Variants in ADAMTS18 observed in about 807,000 individuals in gnomAD.
ADAMTS18 encodes ADAM metallopeptidase with thrombospondin type 1 motif 18.
Under a neutral mutation model 165.9 loss-of-function variants are expected in ADAMTS18, and 157 were observed. The observed-to-expected ratio is 0.95, with a 90% CI of 0.83 to 1.08. The LOEUF (loss-of-function observed/expected upper bound fraction) is 1.08. Among genes scored for constraint, ADAMTS18 ranks in the 50% least tolerant of loss-of-function variants. ADAMTS18 has a pLI of 0.00. For missense variants in ADAMTS18, 2,040 were observed against 1,534.0 expected (o/e 1.33, Z -5.51); for synonymous variants, 782 against 578.2 (o/e 1.35, Z -5.06).
At chr16:77,284,354 C>T (rs1028270153) in intron 22 of ADAMTS18, among the ~76,000 whole-genome samples, 8 of 152,110 alleles carry the variant, frequency 5.3e-5, no homozygotes, top group East Asian at 1.9e-4. Flanking sequence ...TCTCAAATTC[C>T]TGAGCTCAAG....
intron 3 of ADAMTS18, among the ~76,000 whole-genome samples, chr16:77,409,064 A>T (rs1253669481): frequency 1.3e-5 from 2 of 152,164 alleles, no homozygotes; most frequent in African/African-American, 2.4e-5. Flanking sequence ...ACATATATAT[A>T]AAAATAAAGA....
At chr16:77,375,933 G>T (rs274521) in intron 3 of ADAMTS18, among the ~76,000 whole-genome samples, 3 of 133,012 alleles carry the variant, frequency 2.3e-5, no homozygotes, top group African/African-American at 2.9e-5. Flanking sequence ...GACGGAGTTT[G>T]GCTCTTGTTG....
intron 11 of ADAMTS18, among the ~76,000 whole-genome samples, chr16:77,337,657 A>C (rs951660129): frequency 2.6e-5 from 4 of 152,136 alleles, no homozygotes; most frequent in African/African-American, 9.7e-5. Context: ...TTTTTGGAAA[A>C]TGTGTTTTTT....
chr16:77,399,910 C>T (rs1241904163), intron 3 of ADAMTS18, among the ~76,000 whole-genome samples: 2 of 152,144 alleles, frequency 1.3e-5, no homozygotes, highest in African/African-American at 2.4e-5. Context: ...TTTGTCTGTA[C>T]AATCTGGAAT....
intron 7 of ADAMTS18, among the ~76,000 whole-genome samples, chr16:77,360,866 C>A (rs2056702474): frequency 6.6e-6 from 1 of 152,096 alleles, no homozygotes; most frequent in Non-Finnish European, 1.5e-5. Flanking sequence ...GTGGGTGGAT[C>A]ATTTGAGGTC....
chr16:77,403,363 T>G (rs2057355145), intron 3 of ADAMTS18, among the ~76,000 whole-genome samples: 1 of 99,346 alleles, frequency 1.0e-5, no homozygotes. Flanking sequence ...GTATGAAGAG[T>G]AAGCAACTTT....
chr16:77,319,722 C>T (rs1034487502), intron 16 of ADAMTS18, 127 bp downstream of exon 16: 4 of 1,485,280 alleles, frequency 2.7e-6, no homozygotes, highest in Non-Finnish European at 3.7e-6. Context: ...GGATTACAGG[C>T]ATGAGCCACC....
At chr16:77,323,639 C>G (rs1036833556) in intron 13 of ADAMTS18, among the ~76,000 whole-genome samples, 1 of 151,484 alleles carries the variant, frequency 6.6e-6, no homozygotes, top group Non-Finnish European at 1.5e-5. Flanking sequence ...GGGAAAAAAC[C>G]TCACTCCTGT....
chr16:77,431,173 T>C (rs1277634039), intron 3 of ADAMTS18, 122 bp downstream of exon 3: 1 of 1,037,520 alleles, frequency 9.6e-7, no homozygotes, highest in East Asian at 2.5e-5. Flanking sequence ...ATTAGAAGTA[T>C]CAAGGCTGAC....
chr16:77,406,598 A>G (rs564968147), intron 3 of ADAMTS18, among the ~76,000 whole-genome samples: 2 of 152,122 alleles, frequency 1.3e-5, no homozygotes, highest in East Asian at 3.9e-4. Context: ...AAGAATTTAT[A>G]ACATTACCAG....
intron 3 of ADAMTS18, among the ~76,000 whole-genome samples, chr16:77,378,058 T>C (rs781565929): frequency 5.3e-5 from 8 of 152,152 alleles, no homozygotes; most frequent in Non-Finnish European, 1.2e-4. Context: ...CCAGGTGTTA[T>C]AGCACATGCC....
intron 3 of ADAMTS18, among the ~76,000 whole-genome samples, chr16:77,371,872 C>T (rs576623231): frequency 6.6e-6 from 1 of 151,974 alleles, no homozygotes; most frequent in Admixed American, 6.6e-5. Flanking sequence ...ACTATGTACC[C>T]GATAAGAGTT....
chr16:77,382,280 G>C (rs955502779), intron 3 of ADAMTS18, among the ~76,000 whole-genome samples: 1 of 152,040 alleles, frequency 6.6e-6, no homozygotes, highest in Non-Finnish European at 1.5e-5. Flanking sequence ...GCGCGATCTC[G>C]GCTCACTGCA....
intron 3 of ADAMTS18, among the ~76,000 whole-genome samples, chr16:77,407,692 T>C (rs2057410461): frequency 6.6e-6 from 1 of 152,216 alleles, no homozygotes; most frequent in South Asian, 2.1e-4. Context: ...AGTGTGCCTG[T>C]AGTGTCTTTC....
chr16:77,356,797 T>A (rs1217827954), intron 8 of ADAMTS18, among the ~76,000 whole-genome samples: 1 of 152,100 alleles, frequency 6.6e-6, no homozygotes, highest in African/African-American at 2.4e-5. Context: ...ATCATGCACA[T>A]TATACCTGAA....
intron 3 of ADAMTS18, among the ~76,000 whole-genome samples, chr16:77,380,292 T>C (rs1021952764): frequency 6.6e-6 from 1 of 152,224 alleles, no homozygotes; most frequent in East Asian, 1.9e-4. Flanking sequence ...TCTGTACGGA[T>C]GTAAATGTCA....
intron 17 of ADAMTS18, chr16:77,299,981 T>C (rs989812432): frequency 2.0e-4 from 52 of 264,866 alleles, no homozygotes; most frequent in Non-Finnish European, 2.0e-4. Context: ...TATGCTTCTA[T>C]TTGTAAATAA....
chr16:77,325,909 G>T lies in ADAMTS18; in HGVS notation c.1989C>A (p.Phe663Leu), dbSNP rs747150585. 1.2e-6 allele frequency: 2 copies of T among 1,613,966 alleles called. No individual in the cohort carries two copies. Among genetic ancestry groups the T allele is most frequent in the Admixed American group, 3.3e-5 (2 of 59,996 alleles). Residue 663 changes from phenylalanine (F) to leucine (L), a missense_variant, in exon 13 of 23, where the codon TTC (phenylalanine) becomes TTA (leucine). By Grantham distance (22) the Phe-to-Leu change is conservative. Coordinates refer to ENST00000282849, the MANE Select transcript of ADAMTS18 (RefSeq NM_199355.4). ...QQCAEYNSKPFRGWFYQWKPY... is the reference protein window; with the variant it reads ...QQCAEYNSKPLRGWFYQWKPY... ...GTTTCCACTGGTAGAACCATCCACG[G>T]AAAGGTTTGCTGTTATATTCTGCAC...
rs2057742136 is a variant in ADAMTS18 at position 77,431,621 on chromosome 16, G to A, written c.179-10C>T. On this transcript the variant is annotated splice_polypyrimidine_tract_variant and intron_variant, in intron 2 of 22. Transcript: ENST00000282849. Reference sequence around the variant, plus strand: ...GTGACAAAGACGTAATCTGCAATGGGAAAAGTTCAGCTGTCAGCACCCAGA... The same window carrying A: ...GTGACAAAGACGTAATCTGCAATGGAAAAAGTTCAGCTGTCAGCACCCAGA... 2 of 1,613,326 alleles carry A rather than the reference G, an allele frequency of 1.2e-6. No homozygotes were observed. Among genetic ancestry groups the A allele is most frequent in the Non-Finnish European group, 1.7e-6 (2 of 1,179,886 alleles).
Sources: gnomAD v4.1 joint callset for allele counts (sites outside exome capture counted in the v4.1 genomes callset) on GRCh38, gnomAD v4.1.1 for gene constraint, MANE v1.5 for transcripts, NCBI Gene and HGNC (gene_info 2026-07-23, HGNC 2026-07-21) for gene names.